The following ANKS1B variants were observed in gnomAD, a reference collection of about 807,000 sequenced individuals.
ANKS1B encodes the protein ankyrin repeat and sterile alpha motif domain-containing protein 1B.
In ANKS1B, 36 loss-of-function variants were observed where a neutral mutation model predicts 148.3. The observed-to-expected ratio is 0.24, with a 90% CI of 0.19 to 0.32. ANKS1B has a LOEUF of 0.32. Among genes scored for constraint, ANKS1B ranks in the 10% least tolerant of loss-of-function variants. ANKS1B has a pLI of 1.00. For missense variants in ANKS1B, 1,157 were observed against 1,542.6 expected (o/e 0.75, Z 4.19); for synonymous variants, 542 against 560.8 (o/e 0.97, Z 0.47).
At chr12:99,818,243 T>G (rs2082111232) in intron 2 of ANKS1B, among the ~76,000 whole-genome samples, 1 of 151,952 alleles carries the variant, frequency 6.6e-6, no homozygotes, top group East Asian at 1.9e-4. Context: ...TTGAGCCTTA[T>G]AGCTTACTTT....
chr12:99,560,589 G>A (rs1194430986), intron 9 of ANKS1B, among the ~76,000 whole-genome samples: 5 of 151,788 alleles, frequency 3.3e-5, no homozygotes, highest in South Asian at 2.1e-4. Context: ...CATTTCACCC[G>A]GGCATATAAA....
intron 1 of ANKS1B, among the ~76,000 whole-genome samples, chr12:99,882,641 G>A (rs781584171): frequency 2.0e-5 from 3 of 152,076 alleles, no homozygotes; most frequent in South Asian, 2.1e-4. Flanking sequence ...AGAGACTTGC[G>A]GGAAAGGGTG....
chr12:99,050,690 C>CTTTTTTTTTTTTTTT (rs62812561), intron 17 of ANKS1B, among the ~76,000 whole-genome samples: 75 of 113,490 alleles, frequency 6.6e-4, no homozygotes, highest in Non-Finnish European at 8.3e-4. Flanking sequence ...TTTTCTTTTT[C>CTTTTTTTTTTTTTTT]TTTTTTTTTT....
intron 17 of ANKS1B, among the ~76,000 whole-genome samples, chr12:98,945,418 C>T (rs2099843535): frequency 6.7e-6 from 1 of 148,706 alleles, no homozygotes; most frequent in African/African-American, 2.5e-5. Flanking sequence ...TTGCCTGAGC[C>T]CGGAAGGTGG....
chr12:98,948,652 C>T (rs186628082), intron 17 of ANKS1B, among the ~76,000 whole-genome samples: 168 of 152,158 alleles, frequency 1.1e-3, no homozygotes, highest in Non-Finnish European at 1.9e-3. Context: ...GAGCCAGATA[C>T]TGCTAGGTGC....
At chr12:98,840,564 T>C (rs554191338) in intron 17 of ANKS1B, among the ~76,000 whole-genome samples, 1 of 152,162 alleles carries the variant, frequency 6.6e-6, no homozygotes, top group African/African-American at 2.4e-5. Flanking sequence ...TATGAGGAAA[T>C]GAGATCATCT....
intron 20 of ANKS1B, among the ~76,000 whole-genome samples, chr12:98,806,998 C>T (rs2099055463): frequency 6.6e-6 from 1 of 152,138 alleles, no homozygotes; most frequent in African/African-American, 2.4e-5. Flanking sequence ...CCGTGGCATC[C>T]CTTCACATGC....
At chr12:98,762,072 C>T (rs112648263) in intron 25 of ANKS1B, among the ~76,000 whole-genome samples, 359 of 152,298 alleles carry the variant, frequency 2.4e-3, no homozygotes, top group Non-Finnish European at 4.5e-3. Flanking sequence ...CAGACACGTT[C>T]AAGGGAAGGG....
intron 15 of ANKS1B, among the ~76,000 whole-genome samples, chr12:99,107,104 TG>T (rs1445337846): frequency 6.6e-6 from 1 of 151,794 alleles, no homozygotes; most frequent in Non-Finnish European, 1.5e-5. Flanking sequence ...ATTAATATAG[TG>T]AAAATATATA....
chr12:99,531,030 A>G (rs1300928798), intron 9 of ANKS1B, among the ~76,000 whole-genome samples: 1 of 152,078 alleles, frequency 6.6e-6, no homozygotes, highest in African/African-American at 2.4e-5. Context: ...ATTCCCTCTG[A>G]GTAGCAGGGC....
chr12:99,296,214 A>G (rs762166433), intron 12 of ANKS1B, among the ~76,000 whole-genome samples: 1 of 152,182 alleles, frequency 6.6e-6, no homozygotes, highest in African/African-American at 2.4e-5. Context: ...TTGATACCAC[A>G]TGGTCTTAAA....
At chr12:99,757,638 C>T (rs1428706228) in intron 8 of ANKS1B, among the ~76,000 whole-genome samples, 2 of 152,020 alleles carry the variant, frequency 1.3e-5, no homozygotes, top group Non-Finnish European at 2.9e-5. Flanking sequence ...CGAATGCACA[C>T]ATATGTTCAT....
intron 8 of ANKS1B, among the ~76,000 whole-genome samples, chr12:99,657,210 TA>T (rs1425831110): frequency 1.3e-5 from 2 of 152,076 alleles, no homozygotes; most frequent in African/African-American, 4.8e-5. Context: ...ATGAGGAAAC[TA>T]AGGGACAGAG....
chr12:99,027,145 A>G (rs1166437598), intron 17 of ANKS1B, among the ~76,000 whole-genome samples: 1 of 152,244 alleles, frequency 6.6e-6, no homozygotes, highest in African/African-American at 2.4e-5. Flanking sequence ...TTTCTATGTT[A>G]ATATAAAATA....
intron 1 of ANKS1B, among the ~76,000 whole-genome samples, chr12:99,857,072 T>C (rs992172567): frequency 6.6e-6 from 1 of 152,140 alleles, no homozygotes; most frequent in Non-Finnish European, 1.5e-5. Flanking sequence ...GGGATCCAAA[T>C]TGGTAAAGAG....
At chr12:99,082,726 A>G (rs946975571) in intron 16 of ANKS1B, among the ~76,000 whole-genome samples, 3 of 152,076 alleles carry the variant, frequency 2.0e-5, no homozygotes. Context: ...CTAGGTTGAT[A>G]ATTACTTAGA....
chr12:99,098,008 T>G (rs4762555), intron 15 of ANKS1B, among the ~76,000 whole-genome samples: 100,028 of 152,074 alleles, frequency 0.66, 33,150 homozygotes, highest in East Asian at 0.89. Context: ...GGCTTAGTCA[T>G]CTAATTTCAC....
At chr12:99,374,287 A>G (rs1259433527) in intron 12 of ANKS1B, among the ~76,000 whole-genome samples, 1 of 152,160 alleles carries the variant, frequency 6.6e-6, no homozygotes, top group Admixed American at 6.5e-5. Flanking sequence ...TCCCAGTTAG[A>G]GCCACTGTCT....
At chr12:99,130,805 A>C (rs78746325) in intron 15 of ANKS1B, among the ~76,000 whole-genome samples, 8,891 of 152,044 alleles carry the variant, frequency 0.058, 852 homozygotes, top group African/African-American at 0.2. Flanking sequence ...CAGTAACACC[A>C]CTTTGTCTTC....
Sources: allele counts gnomAD v4.1 joint callset (sites outside exome capture counted in the v4.1 genomes callset), GRCh38; gene constraint gnomAD v4.1.1; transcripts MANE v1.5; gene names NCBI Gene and HGNC (gene_info 2026-07-23, HGNC 2026-07-21).